DCUN1D5: variants seen among roughly 807,000 people sequenced by gnomAD.
The protein encoded by DCUN1D5 is DCN1-like protein 5.
A neutral mutation model predicts 38.3 loss-of-function variants in DCUN1D5; 10 were observed. The ratio of observed to expected loss-of-function variants is 0.26; its 90% CI spans 0.16 to 0.44. DCUN1D5 has a LOEUF of 0.44. Ranked by LOEUF, DCUN1D5 falls within the 20% of genes least tolerant of loss-of-function variation. The pLI, the probability that DCUN1D5 is intolerant of heterozygous loss-of-function variation, is 1.00. For missense variants in DCUN1D5, 148 were observed against 275.3 expected (o/e 0.54, Z 3.27); for synonymous variants, 93 against 90.9 (o/e 1.02, Z -0.13).
intron 2 of DCUN1D5, among the ~76,000 whole-genome samples, chr11:103,084,326 G>C (rs17099921): frequency 0.023 from 3,448 of 152,208 alleles, 151 homozygotes; most frequent in African/African-American, 0.078. Context: ...AGGCTGCTCA[G>C]GTAAATTTGA....
At chr11:103,085,940 A>T (rs932677702) in intron 2 of DCUN1D5, among the ~76,000 whole-genome samples, 1 of 152,234 alleles carries the variant, frequency 6.6e-6, no homozygotes, top group African/African-American at 2.4e-5. Context: ...CATGTTTTCA[A>T]TTACCATAGG....
chr11:103,083,397 G>A lies in DCUN1D5; in HGVS notation c.179-71C>T. The stretch of plus-strand genomic sequence containing the variant: ...TAAAACATAAATCGTCATGCTAAAG[G>A]TACCCATGAACACACCATAATATTT... On this transcript the variant is annotated intron_variant, in intron 2 of 7. Coordinates refer to ENST00000260247, the MANE Select transcript of DCUN1D5 (RefSeq NM_032299.4). The surrounding 1 kb of genome is among the most constrained non-coding windows in gnomAD (Gnocchi z 4.4). The A allele has an allele frequency of 2.3e-6, 2 of 861,450 alleles. No homozygotes were observed. Among genetic ancestry groups the A allele is most frequent in the Non-Finnish European group, 1.9e-6 (1 of 515,740 alleles). 53.4% of individuals were successfully genotyped at this position (861,450 alleles called of 1,614,324 possible).
Position 103,087,551 on chromosome 11 carries a change from G to C in DCUN1D5, c.178+1676C>G, listed in dbSNP as rs1225989257. Among the ~76,000 whole-genome samples, 2 of 152,210 alleles carry C rather than the reference G, an allele frequency of 1.3e-5. No individual in the cohort carries two copies. ...TATATTCCCACCTACTAGAAAGGCT[G>C]AGGTGGGAGGATGGCCTGAGCCCAG... On this transcript the variant is annotated intron_variant, in intron 2 of 7. Coordinates refer to ENST00000260247, the MANE Select transcript of DCUN1D5 (RefSeq NM_032299.4). This position sits in a 1 kb window ranked among gnomAD's most constrained non-coding sequence, Gnocchi z 4.1.
At position 103,091,842 on chromosome 11, in the gene DCUN1D5, C is replaced by T; in HGVS notation, c.31G>A (p.Gly11Arg). Reference sequence around the variant, plus strand: ...TCTTCCGCTACTGCTGCTGCCACCCCAGGGGATTTTCTCTTCTTCTTCACC... The same window carrying T: ...TCTTCCGCTACTGCTGCTGCCACCCTAGGGGATTTTCTCTTCTTCTTCACC... MPVKKKRKSP[G>R]VAAAVAEDGG... The change falls in exon 1 of 8, where the codon GGG becomes AGG. Residue 11 changes from glycine (G) to arginine (R), a missense_variant. Physicochemically the swap from Gly to Arg is moderately radical, Grantham distance 125 (BLOSUM62 -2). Coordinates refer to ENST00000260247, the MANE Select transcript of DCUN1D5 (RefSeq NM_032299.4). The surrounding 1 kb of genome is among the most constrained non-coding windows in gnomAD (Gnocchi z 4.3). The T allele has an allele frequency of 6.2e-7, 1 of 1,613,998 alleles. No individual in the cohort carries two copies. The highest frequency in any genetic ancestry group is 8.5e-7 in the Non-Finnish European group (1 of 1,179,918).
intron 4 of DCUN1D5, among the ~76,000 whole-genome samples, chr11:103,074,150 T>C (rs1036298150): frequency 1.3e-4 from 20 of 152,264 alleles, no homozygotes; most frequent in African/African-American, 4.8e-4. Flanking sequence ...TCAAAAACTT[T>C]TGCTCTGCAA....
rs571784933 is a variant in DCUN1D5, at chr11:103,051,665, A to G, written c.*10694T>C. 1.3e-5 allele frequency: 2 copies of G among 152,338 alleles called. No individual in the cohort carries two copies. Among genetic ancestry groups the G allele is most frequent in the East Asian group, 3.9e-4 (2 of 5,190 alleles). The allele number at this position is 152,338 out of a possible 1,614,324, so 9.4% of individuals were successfully genotyped here. ...CAAAGCATAGCATTAGGTTTTACTT[A>G]GCATTTTACAAACACTTTTAAGTAC... is the stretch of plus-strand genomic sequence containing the variant. On this transcript the variant is annotated 3_prime_UTR_variant, in exon 8 of 8. Transcript: ENST00000260247.
In DCUN1D5 at chr11:103,052,283, T is replaced by C. The variant is rs1431364568; in HGVS notation, c.*10076A>G. The C allele has an allele frequency of 6.6e-6, 1 of 152,172 alleles. No individual in the cohort carries two copies. The highest frequency in any genetic ancestry group is 2.4e-5 in the African/African-American group (1 of 41,446). The allele number at this position is 152,172 out of a possible 1,614,324, so 9.4% of individuals were successfully genotyped here. A position where few individuals can be genotyped will look rare whatever the true frequency, so the allele number is the denominator to read the frequency against. On this transcript the variant is annotated 3_prime_UTR_variant, in exon 8 of 8. Transcript: ENST00000260247. ...CGTTTTACAGACATATGTGTACAAT[T>C]GGTCATTCATTCATTAATTCAGTAA...
chr11:103,075,343 C>CT (rs1440709110), intron 4 of DCUN1D5, among the ~76,000 whole-genome samples: 1 of 152,004 alleles, frequency 6.6e-6, no homozygotes, highest in African/African-American at 2.4e-5. Flanking sequence ...TTTCTGGCCT[C>CT]TGATTATTTT....
In DCUN1D5 at chr11:103,078,741, T is replaced by C. The variant is rs543357611; in HGVS notation, c.341+4007A>G. Among the ~76,000 whole-genome samples, 17 of 152,358 alleles carry C rather than the reference T, an allele frequency of 1.1e-4. No individual in the cohort carries two copies. Among genetic ancestry groups the C allele is most frequent in the Non-Finnish European group, 2.2e-4 (15 of 68,030 alleles). On this transcript the variant is annotated intron_variant, in intron 4 of 7. Coordinates refer to ENST00000260247, the MANE Select transcript of DCUN1D5 (RefSeq NM_032299.4). This position sits in a 1 kb window ranked among gnomAD's most constrained non-coding sequence, Gnocchi z 4.6. ...CAAACTACTTCCTTCAAACATATGC[T>C]TTCCTTCCTCAAGGTCCTGCTCACA...
Position 103,091,952 on chromosome 11 carries a change from C to A in DCUN1D5, c.-80G>T. On this transcript the variant is annotated 5_prime_UTR_variant, in exon 1 of 8. Transcript: ENST00000260247. The surrounding 1 kb of genome is among the most constrained non-coding windows in gnomAD (Gnocchi z 4.3). Reference sequence around the variant, plus strand: ...CGCTGGAAGCCCCTCAGCGCTGGCACCCAGTTCCCAGAGACAGCAGCAAGC... The same window carrying A: ...CGCTGGAAGCCCCTCAGCGCTGGCAACCAGTTCCCAGAGACAGCAGCAAGC... 1 of 1,346,190 alleles carries A rather than the reference C, an allele frequency of 7.4e-7. No homozygotes were observed. The highest frequency in any genetic ancestry group is 1.0e-6 in the Non-Finnish European group (1 of 983,078). The allele number at this position is 1,346,190 out of a possible 1,614,324, so 83.4% of individuals were successfully genotyped here. A position where few individuals can be genotyped will look rare whatever the true frequency, so the allele number is the denominator to read the frequency against.
rs1035251328 is a variant in DCUN1D5, at chr11:103,059,414, G to A, written c.*2945C>T. Among the ~76,000 whole-genome samples the A allele has an allele frequency of 1.3e-5, 2 of 151,886 alleles. No individual in the cohort carries two copies. The highest frequency in any genetic ancestry group is 4.8e-5 in the African/African-American group (2 of 41,356). ...TGGTTTGCTAGATGAAAAGGCATTT[G>A]TATTTAAGAGAAATACTCCTCAATC... is the stretch of plus-strand genomic sequence containing the variant. On this transcript the variant is annotated 3_prime_UTR_variant, in exon 8 of 8. Transcript: ENST00000260247.
chr11:103,089,867 C>G (rs1333338816), intron 1 of DCUN1D5, among the ~76,000 whole-genome samples: 2 of 151,938 alleles, frequency 1.3e-5, no homozygotes, highest in Non-Finnish European at 2.9e-5. Flanking sequence ...AACAAAAAAA[C>G]ACTAAAAGTT....
Position 103,091,258 on chromosome 11 carries a change from CCGGGT to C in DCUN1D5, c.86+524_86+528del, listed in dbSNP as rs1862857013. 6.6e-6 allele frequency among the ~76,000 whole-genome samples: 1 copy of C among 152,058 alleles called. No individual in the cohort carries two copies. The highest frequency in any genetic ancestry group is 2.4e-5 in the African/African-American group (1 of 41,418). ...TTAAAAGGCCTCCTGCTGGGACCTT[CCGGGT>C]TAGGCCACTCCAAATACTAAATATG... On this transcript the variant is annotated intron_variant, in intron 1 of 7. Coordinates refer to ENST00000260247, the MANE Select transcript of DCUN1D5 (RefSeq NM_032299.4). The surrounding 1 kb of genome is among the most constrained non-coding windows in gnomAD (Gnocchi z 4.3).
At chr11:103,085,771 T>C (rs970165782) in intron 2 of DCUN1D5, among the ~76,000 whole-genome samples, 5 of 152,240 alleles carry the variant, frequency 3.3e-5, no homozygotes, top group Admixed American at 2.6e-4. Flanking sequence ...TTAACTCTTT[T>C]GGACAACTAG....
intron 4 of DCUN1D5, among the ~76,000 whole-genome samples, chr11:103,067,165 G>C (rs1862155034): frequency 6.6e-6 from 1 of 152,050 alleles, no homozygotes; most frequent in Non-Finnish European, 1.5e-5. Flanking sequence ...CAAACAACAA[G>C]TCATACGTGT....
rs72987591 is a variant in DCUN1D5, at chr11:103,051,706, A to G, written c.*10653T>C. 4 of 152,284 alleles carry G rather than the reference A, an allele frequency of 2.6e-5. No individual in the cohort carries two copies. Among genetic ancestry groups the G allele is most frequent in the Admixed American group, 6.5e-5 (1 of 15,292 alleles). 9.4% of individuals were successfully genotyped at this position (152,284 alleles called of 1,614,324 possible). On this transcript the variant is annotated 3_prime_UTR_variant, in exon 8 of 8. Coordinates refer to ENST00000260247, the MANE Select transcript of DCUN1D5 (RefSeq NM_032299.4). ...TTTTAAGTACAATATCAATATGCAC[A>G]TCAATCTTACCTCTACCTCACAGAA...
In DCUN1D5 at chr11:103,071,762, G is replaced by C. The variant is rs373551116; in HGVS notation, c.342-5195C>G. ...TCTGAGTAGACCTGTTATTATTAAC[G>C]AAATTGAACTCAAAATTTTTAAACT... On this transcript the variant is annotated intron_variant, in intron 4 of 7. Coordinates refer to ENST00000260247, the MANE Select transcript of DCUN1D5 (RefSeq NM_032299.4). The surrounding 1 kb of genome is among the most constrained non-coding windows in gnomAD (Gnocchi z 4.1). Among the ~76,000 whole-genome samples the C allele has an allele frequency of 6.6e-6, 1 of 150,744 alleles. No individual in the cohort carries two copies. Among genetic ancestry groups the C allele is most frequent in the African/African-American group, 2.4e-5 (1 of 41,236 alleles).
In DCUN1D5 at chr11:103,091,469, G is replaced by C. The variant is rs1266974642; in HGVS notation, c.86+318C>G. On this transcript the variant is annotated intron_variant, in intron 1 of 7. Transcript: ENST00000260247. This position sits in a 1 kb window ranked among gnomAD's most constrained non-coding sequence, Gnocchi z 4.3. ...GAGCGATACGGGAGTAGGGGATCGAGGGTCGGTTGTGGGGTGGGGGTGGGG... is the reference window on the plus strand; with the variant it reads ...GAGCGATACGGGAGTAGGGGATCGACGGTCGGTTGTGGGGTGGGGGTGGGG... 8.6e-6 allele frequency: 3 copies of C among 348,142 alleles called. No individual in the cohort carries two copies. The highest frequency in any genetic ancestry group is 1.6e-5 in the Non-Finnish European group (3 of 184,150). The allele number at this position is 348,142 out of a possible 1,614,324, so 21.6% of individuals were successfully genotyped here.
chr11:103,084,951 T>C (rs1057111102), intron 2 of DCUN1D5, among the ~76,000 whole-genome samples: 1 of 152,020 alleles, frequency 6.6e-6, no homozygotes, highest in Admixed American at 6.6e-5. Flanking sequence ...CACGCCATTG[T>C]ACTCCAGCCT....
Sources: gnomAD v4.1 joint callset for allele counts (sites outside exome capture counted in the v4.1 genomes callset) on GRCh38, gnomAD v4.1.1 for gene constraint, Gnocchi (gnomAD v3.1) non-coding constraint, MANE v1.5 for transcripts, NCBI Gene and HGNC (gene_info 2026-07-23, HGNC 2026-07-21) for gene names.